TMEM108: variants seen among roughly 807,000 people sequenced by gnomAD.
TMEM108 encodes cancer/testis antigen 124.
In TMEM108, 12 loss-of-function variants were observed where a neutral mutation model predicts 35.1. That is an observed-to-expected ratio of 0.34 (90% CI 0.22 to 0.55). The LOEUF (loss-of-function observed/expected upper bound fraction) is 0.55. TMEM108 is among the 20% of genes least tolerant of loss of function. The pLI is 0.89. For missense variants in TMEM108, 680 were observed against 753.3 expected (o/e 0.90, Z 1.14); for synonymous variants, 287 against 308.6 (o/e 0.93, Z 0.73).
intron 2 of TMEM108, among the ~76,000 whole-genome samples, chr3:133,122,233 T>C (rs2107735198): frequency 6.6e-6 from 1 of 152,330 alleles, no homozygotes; most frequent in Non-Finnish European, 1.5e-5. Context: ...TATAATTCAA[T>C]GTGTATTTGG....
intron 4 of TMEM108, chr3:133,387,772 G>A (rs916088695): frequency 1.0e-4 from 94 of 921,876 alleles, no homozygotes; most frequent in Non-Finnish European, 1.2e-4. Context: ...GCTGAGAGAG[G>A]TTAAGTAACT....
intron 2 of TMEM108, among the ~76,000 whole-genome samples, chr3:133,112,942 A>G (rs895792131): frequency 6.6e-6 from 1 of 152,242 alleles, no homozygotes; most frequent in Non-Finnish European, 1.5e-5. Flanking sequence ...GTCAATAAAC[A>G]TTAAAACAAA....
At chr3:133,108,895 G>A (rs1944192055) in intron 2 of TMEM108, among the ~76,000 whole-genome samples, 1 of 151,382 alleles carries the variant, frequency 6.6e-6, no homozygotes. Flanking sequence ...TAAATGACGA[G>A]TTAATGGGTG....
intron 3 of TMEM108, among the ~76,000 whole-genome samples, chr3:133,264,963 C>A (rs1946676073): frequency 6.6e-6 from 1 of 152,132 alleles, no homozygotes; most frequent in Non-Finnish European, 1.5e-5. Flanking sequence ...ACTGTGGTGT[C>A]CAAGGACACA....
At chr3:133,072,855 G>A (rs964372160) in intron 2 of TMEM108, among the ~76,000 whole-genome samples, 10 of 152,040 alleles carry the variant, frequency 6.6e-5, no homozygotes, top group Middle Eastern at 3.2e-3. Flanking sequence ...AATCTACTTT[G>A]TATCTCTGGA....
chr3:133,043,602 T>C (rs1943300980), intron 1 of TMEM108, among the ~76,000 whole-genome samples: 1 of 152,126 alleles, frequency 6.6e-6, no homozygotes, highest in Non-Finnish European at 1.5e-5. Context: ...ATGACATGCA[T>C]ACTAAGAGGC....
intron 2 of TMEM108, among the ~76,000 whole-genome samples, chr3:133,054,078 C>A (rs987979303): frequency 2.0e-5 from 3 of 152,254 alleles, no homozygotes; most frequent in Admixed American, 6.5e-5. Flanking sequence ...GTGGGGTAGG[C>A]TGAGACCCCA....
intron 2 of TMEM108, among the ~76,000 whole-genome samples, chr3:133,170,168 T>G (rs1446556941): frequency 6.6e-6 from 1 of 151,980 alleles, no homozygotes; most frequent in East Asian, 1.9e-4. Context: ...CCTGGGAGAT[T>G]AAAAAAAAGA....
At position 133,244,530 on chromosome 3, in the gene TMEM108, C is replaced by T. The variant is rs186106498; in HGVS notation, c.40+15179C>T. Among the ~76,000 whole-genome samples, 379 of 152,274 alleles carry T rather than the reference C, an allele frequency of 2.5e-3. 1 individual carries two copies. Among genetic ancestry groups the T allele is most frequent in the Middle Eastern group, 6.8e-3 (2 of 294 alleles). On this transcript the variant is annotated intron_variant, in intron 3 of 5. Coordinates refer to ENST00000321871, the MANE Select transcript of TMEM108 (RefSeq NM_023943.4). ...CTGGGTTAGAGATGTAATTGAAGTT[C>T]GCCCTGGATGTAGTCCCATGGGCCT...
At chr3:133,387,911 T>C in intron 4 of TMEM108, 1 of 985,450 alleles carries the variant, frequency 1.0e-6, no homozygotes, top group Non-Finnish European at 1.2e-6. Flanking sequence ...AACTGCTCAG[T>C]AGATCAGAGG....
chr3:133,064,149 A>C (rs780340310), intron 2 of TMEM108, among the ~76,000 whole-genome samples: 1 of 152,132 alleles, frequency 6.6e-6, no homozygotes, highest in South Asian at 2.1e-4. Context: ...GAATTGAGAT[A>C]CTGTCTGCAG....
In TMEM108 at chr3:133,226,608, C is replaced by T. The variant is rs565783938; in HGVS notation, c.-46-2658C>T. 4.1e-3 allele frequency among the ~76,000 whole-genome samples: 620 copies of T among 152,220 alleles called. 3 individuals carry two copies. Among genetic ancestry groups the T allele is most frequent in the African/African-American group, 0.014 (568 of 41,534 alleles). On this transcript the variant is annotated intron_variant, in intron 2 of 5. Coordinates refer to ENST00000321871, the MANE Select transcript of TMEM108 (RefSeq NM_023943.4). The stretch of plus-strand genomic sequence containing the variant: ...AAGTATAATAAGGCATGTCTGGCCC[C>T]CACTTCCCATCATGGCCTGAGCTAG...
At chr3:133,301,711 ACT>A (rs1319140012) in intron 3 of TMEM108, among the ~76,000 whole-genome samples, 1 of 152,014 alleles carries the variant, frequency 6.6e-6, no homozygotes, top group East Asian at 1.9e-4. Context: ...TCAGTTTTAT[ACT>A]CTCTGCAAGC....
chr3:133,143,616 G>C (rs983406730), intron 2 of TMEM108, among the ~76,000 whole-genome samples: 3 of 152,176 alleles, frequency 2.0e-5, no homozygotes, highest in South Asian at 2.1e-4. Context: ...GAGGAAACAG[G>C]TACAGAGAGA....
chr3:133,293,050 A>G lies in TMEM108; in HGVS notation c.40+63699A>G, dbSNP rs554325461. Among the ~76,000 whole-genome samples, 4 of 152,282 alleles carry G rather than the reference A, an allele frequency of 2.6e-5. No individual in the cohort carries two copies. The East Asian group carries it at 7.7e-4, about 29-fold the overall frequency. ...CTATAAACATAATATTCTTAAGAAC[A>G]ATAGGGAACAGAATTGTGCATAATT... is the stretch of plus-strand genomic sequence containing the variant. On this transcript the variant is annotated intron_variant, in intron 3 of 5. Coordinates refer to ENST00000321871, the MANE Select transcript of TMEM108 (RefSeq NM_023943.4).
At chr3:133,181,018 A>AC (rs1487694075) in intron 2 of TMEM108, among the ~76,000 whole-genome samples, 19 of 121,710 alleles carry the variant, frequency 1.6e-4, no homozygotes, top group African/African-American at 5.3e-4. Context: ...TAAAAAAAAA[A>AC]AAAAAAAAAA....
At chr3:133,339,986 A>G (rs1333731142) in intron 3 of TMEM108, among the ~76,000 whole-genome samples, 2 of 151,762 alleles carry the variant, frequency 1.3e-5, no homozygotes, top group African/African-American at 4.8e-5. Flanking sequence ...ATAAGTGCCT[A>G]TATCAAAAAA....
chr3:133,104,185 A>T (rs1248177021), intron 2 of TMEM108, among the ~76,000 whole-genome samples: 3 of 152,174 alleles, frequency 2.0e-5, no homozygotes, highest in Non-Finnish European at 2.9e-5. Flanking sequence ...TCTACCTATA[A>T]AATGGGATGA....
intron 3 of TMEM108, among the ~76,000 whole-genome samples, chr3:133,340,492 A>G (rs769326320): frequency 9.2e-5 from 14 of 151,878 alleles, no homozygotes; most frequent in African/African-American, 3.4e-4. Context: ...AAACATTTAA[A>G]GAACAACTAA....
Sources: allele counts gnomAD v4.1 joint callset (sites outside exome capture counted in the v4.1 genomes callset), GRCh38; gene constraint gnomAD v4.1.1; transcripts MANE v1.5; gene names NCBI Gene and HGNC (gene_info 2026-07-23, HGNC 2026-07-21).